SPECC1L: variants seen among roughly 807,000 people sequenced by gnomAD.
SPECC1L encodes cytospin-A.
SPECC1L carries 40 observed loss-of-function variants against 116.8 expected under a neutral mutation model. The observed-to-expected ratio is 0.34, with a 90% CI of 0.27 to 0.45. The LOEUF (loss-of-function observed/expected upper bound fraction) is 0.45. SPECC1L is among the 20% of genes least tolerant of loss of function. The pLI is 1.00. For missense variants in SPECC1L, 1,110 were observed against 1,373.6 expected, an observed-to-expected ratio of 0.81 and a Z score of 3.03; for synonymous variants, 504 against 500.6, an observed-to-expected ratio of 1.01 and a Z score of -0.09.
chr22:24,376,323 GC>G (rs796773134), intron 14 of SPECC1L, among the ~76,000 whole-genome samples: 16 of 152,244 alleles, frequency 1.1e-4, no homozygotes, highest in African/African-American at 3.6e-4. Flanking sequence ...ATCACATCCA[GC>G]TTATATCTAG....
chr22:24,347,717 C>T (rs999479458), intron 11 of SPECC1L, among the ~76,000 whole-genome samples: 1 of 152,054 alleles, frequency 6.6e-6, no homozygotes, highest in African/African-American at 2.4e-5. Flanking sequence ...ACTCTGTCTC[C>T]CAGGCTGGAG....
At chr22:24,338,276 T>G (rs2041103319) in intron 9 of SPECC1L, 110 bp from the exon 10 acceptor site, 1 of 1,024,700 alleles carries the variant, frequency 9.8e-7, no homozygotes, top group Non-Finnish European at 1.5e-6. Flanking sequence ...CAAGACAGTG[T>G]CCAGCGGGGT....
chr22:24,361,802 TC>T (rs2041650124), intron 11 of SPECC1L, among the ~76,000 whole-genome samples: 1 of 149,306 alleles, frequency 6.7e-6, no homozygotes, highest in Non-Finnish European at 1.5e-5. Context: ...TTCCCCCCTC[TC>T]CTGCCCCCTC....
chr22:24,305,131 G>T (rs571408565), intron 3 of SPECC1L, among the ~76,000 whole-genome samples: 2 of 152,346 alleles, frequency 1.3e-5, no homozygotes, highest in Admixed American at 1.3e-4. Context: ...TAAAAGGTAA[G>T]TTGGAAAATG....
In SPECC1L at chr22:24,372,692, G is replaced by A. The variant is rs183953441; in HGVS notation, c.3087+3372G>A. On this transcript the variant is annotated intron_variant, in intron 14 of 16. Coordinates refer to ENST00000314328, the MANE Select transcript of SPECC1L (RefSeq NM_015330.6). ...CATACTGAATGGGTAAAAACTGGAA[G>A]CGTTCCCTTTGAAAACTGGCACAAG... Among the ~76,000 whole-genome samples the A allele has an allele frequency of 9.2e-3, 1,398 of 151,924 alleles. 17 individuals are homozygous for A. Among genetic ancestry groups the A allele is most frequent in the African/African-American group, 0.032 (1,324 of 41,520 alleles).
At chr22:24,306,936 G>A (rs1471668310) in intron 3 of SPECC1L, among the ~76,000 whole-genome samples, 1 of 152,112 alleles carries the variant, frequency 6.6e-6, no homozygotes, top group Non-Finnish European at 1.5e-5. Context: ...ATTTAACTTA[G>A]CATCATGTCC....
intron 14 of SPECC1L, among the ~76,000 whole-genome samples, chr22:24,383,793 T>C (rs1330431880): frequency 5.4e-3 from 37 of 6,838 alleles, no homozygotes; most frequent in African/African-American, 0.015. Context: ...CCCACCACTA[T>C]TTTTTTTTTT....
intron 14 of SPECC1L, among the ~76,000 whole-genome samples, chr22:24,386,083 A>G (rs999105055): frequency 1.3e-5 from 2 of 151,740 alleles, no homozygotes; most frequent in Non-Finnish European, 2.9e-5. Context: ...GAACAAAAGC[A>G]TTTGATAAAA....
At chr22:24,323,070 T>C (rs2040752242) in intron 5 of SPECC1L, 152 bp downstream of exon 5, 4 of 1,414,374 alleles carry the variant, frequency 2.8e-6, no homozygotes, top group Non-Finnish European at 3.7e-6. Context: ...GGTTTCCTTT[T>C]ATTGGAATAG....
rs190774174 is a variant in SPECC1L at position 24,401,688 on chromosome 22, C to T, written c.3088-9900C>T. Among the ~76,000 whole-genome samples, 16 of 152,256 alleles carry T rather than the reference C, an allele frequency of 1.1e-4. No homozygotes were observed. In the East Asian group the frequency reaches 2.5e-3, roughly 24 times the overall value. On this transcript the variant is annotated intron_variant, in intron 14 of 16. Coordinates refer to ENST00000314328, the MANE Select transcript of SPECC1L (RefSeq NM_015330.6). ...TTTGTAGATATCACCATAAACTCAC[C>T]GATGTCACATTTTAGATGTACCACC... is the stretch of plus-strand genomic sequence containing the variant.
At chr22:24,282,819 C>CGTGG (rs2048969803) in intron 2 of SPECC1L, among the ~76,000 whole-genome samples, 1 of 151,444 alleles carries the variant, frequency 6.6e-6, no homozygotes, top group Non-Finnish European at 1.5e-5. Flanking sequence ...ACCCTGTCAC[C>CGTGG]CAGGCTGGAG....
intron 2 of SPECC1L, among the ~76,000 whole-genome samples, chr22:24,292,682 A>G (rs1238930272): frequency 1.3e-5 from 2 of 152,024 alleles, no homozygotes; most frequent in Admixed American, 6.6e-5. Context: ...TAGCCTTACC[A>G]TTGCTTTGTC....
intron 4 of SPECC1L, among the ~76,000 whole-genome samples, chr22:24,317,252 G>C (rs1283311392): frequency 1.8e-4 from 19 of 106,474 alleles, no homozygotes; most frequent in Middle Eastern, 6.1e-3. Context: ...GCGGCTGGCC[G>C]GGCGGGGGGC....
intron 14 of SPECC1L, among the ~76,000 whole-genome samples, chr22:24,377,097 C>T (rs2041986018): frequency 6.6e-6 from 1 of 152,182 alleles, no homozygotes; most frequent in African/African-American, 2.4e-5. Flanking sequence ...AATGGAATCA[C>T]ACAATATGTG....
chr22:24,356,578 G>T (rs1366110963), intron 11 of SPECC1L, among the ~76,000 whole-genome samples: 3 of 151,942 alleles, frequency 2.0e-5, no homozygotes, highest in Non-Finnish European at 4.4e-5. Flanking sequence ...GTTTCTTGTA[G>T]ACGGTATATA....
intron 3 of SPECC1L, among the ~76,000 whole-genome samples, chr22:24,305,797 T>G (rs1261023314): frequency 6.6e-6 from 1 of 152,240 alleles, no homozygotes; most frequent in Non-Finnish European, 1.5e-5. Context: ...TCCTGGTTAC[T>G]TCACATTTTC....
intron 11 of SPECC1L, among the ~76,000 whole-genome samples, chr22:24,349,007 T>G (rs375509945): frequency 7.7e-4 from 115 of 149,636 alleles, no homozygotes; most frequent in East Asian, 2.3e-3. Flanking sequence ...TCAGGCTGCT[T>G]CTTCTTCCTC....
intron 6 of SPECC1L, among the ~76,000 whole-genome samples, chr22:24,326,827 A>C (rs2040831072): frequency 6.6e-6 from 1 of 152,226 alleles, no homozygotes; most frequent in African/African-American, 2.4e-5. Context: ...ACTGCCTACC[A>C]GAATTGCCCC....
chr22:24,407,181 T>G (rs2042608384), intron 14 of SPECC1L, among the ~76,000 whole-genome samples: 1 of 152,212 alleles, frequency 6.6e-6, no homozygotes. Flanking sequence ...CCAGCTAGCC[T>G]TCTTTTGGGC....
Sources: allele counts gnomAD v4.1 joint callset (sites outside exome capture counted in the v4.1 genomes callset), GRCh38; gene constraint gnomAD v4.1.1; transcripts MANE v1.5; gene names NCBI Gene and HGNC (gene_info 2026-07-23, HGNC 2026-07-21).